RAB38: variants seen among roughly 807,000 people sequenced by gnomAD.
The protein encoded by RAB38 is RAB38, member RAS oncogene family, also known as ras-related protein Rab-38.
In RAB38, 15 loss-of-function variants were observed where a neutral mutation model predicts 18.4. That is an observed-to-expected ratio of 0.82 (90% CI 0.55 to 1.26). The LOEUF is 1.26. Ranked by LOEUF, RAB38 falls within the 50% of genes most tolerant of loss-of-function variation. The pLI is 0.00. For missense variants in RAB38, 294 were observed against 267.4 expected, an observed-to-expected ratio of 1.10 and a Z score of -0.69; for synonymous variants, 101 against 104.4, an observed-to-expected ratio of 0.97 and a Z score of 0.20.
chr11:87,878,170 G>T, the RAB38 span, among the ~76,000 whole-genome samples: 18 of 141,268 alleles, frequency 1.3e-4, no homozygotes, highest in Middle Eastern at 3.5e-3. Context: ...TTAAAAAACT[G>T]CTCTTTTATC....
At chr11:87,960,757 T>C in the RAB38 span, among the ~76,000 whole-genome samples, 1 of 152,184 alleles carries the variant, frequency 6.6e-6, no homozygotes, top group Non-Finnish European at 1.5e-5. Flanking sequence ...CTAAAAGATA[T>C]TCACTAACTC....
the RAB38 span, among the ~76,000 whole-genome samples, chr11:87,858,362 G>T: frequency 6.6e-6 from 1 of 152,102 alleles, no homozygotes; most frequent in South Asian, 2.1e-4. Flanking sequence ...TCTACTCTGT[G>T]GTAGAGTTAA....
At chr11:88,049,463 G>A in the RAB38 span, among the ~76,000 whole-genome samples, 2 of 115,374 alleles carry the variant, frequency 1.7e-5, no homozygotes, top group South Asian at 5.3e-4. Context: ...TAACCCCCCC[G>A]ATTTGACTGT....
At chr11:88,026,466 G>C in the RAB38 span, among the ~76,000 whole-genome samples, 1 of 150,686 alleles carries the variant, frequency 6.6e-6, no homozygotes, top group Non-Finnish European at 1.5e-5. Flanking sequence ...AGGAGGCTGA[G>C]GCAGGAGAAT....
chr11:87,977,698 G>T, the RAB38 span, among the ~76,000 whole-genome samples: 3 of 108,896 alleles, frequency 2.8e-5, no homozygotes, highest in Admixed American at 1.1e-4. Context: ...ATAATATATA[G>T]GGATATATTA....
the RAB38 span, among the ~76,000 whole-genome samples, chr11:87,922,569 A>AT: frequency 2.1e-5 from 3 of 142,316 alleles, no homozygotes; most frequent in African/African-American, 8.5e-5. Context: ...TCACCTGAAA[A>AT]AAATATATAT....
the RAB38 span, among the ~76,000 whole-genome samples, chr11:87,939,377 CAT>C: frequency 8.9e-6 from 1 of 112,154 alleles, no homozygotes; most frequent in Non-Finnish European, 1.8e-5. Context: ...CACACACATA[CAT>C]ACACACACAC....
the RAB38 span, among the ~76,000 whole-genome samples, chr11:87,823,321 G>T: frequency 6.6e-6 from 1 of 151,418 alleles, no homozygotes; most frequent in African/African-American, 2.4e-5. Context: ...ACTGAATATT[G>T]TTAAAATAAT....
At chr11:88,098,432 C>G in the RAB38 span, among the ~76,000 whole-genome samples, 1 of 151,914 alleles carries the variant, frequency 6.6e-6, no homozygotes, top group South Asian at 2.1e-4. Context: ...GCCCAGTACC[C>G]AACATTCTCT....
At chr11:87,816,158 A>C in the RAB38 span, 1 of 152,296 alleles carries the variant, frequency 6.6e-6, no homozygotes, top group Non-Finnish European at 1.5e-5. Context: ...TTTGGTCATT[A>C]GTGTTCTTGA....
At chr11:88,077,058 T>C in the RAB38 span, among the ~76,000 whole-genome samples, 1 of 140,064 alleles carries the variant, frequency 7.1e-6, no homozygotes, top group Admixed American at 6.9e-5. Context: ...AGAAAAAGAA[T>C]ATAAAATATC....
At chr11:87,905,052 T>G in the RAB38 span, among the ~76,000 whole-genome samples, 2 of 151,888 alleles carry the variant, frequency 1.3e-5, no homozygotes, top group East Asian at 3.9e-4. Flanking sequence ...TTTCACAGTT[T>G]ATTGAGAGTC....
the RAB38 span, among the ~76,000 whole-genome samples, chr11:87,938,725 T>C: frequency 6.7e-6 from 1 of 149,460 alleles, no homozygotes; most frequent in African/African-American, 2.5e-5. Flanking sequence ...TTTGTGACCA[T>C]GCGCATTTCC....
chr11:88,171,350 A>G (rs915233683), intron 1 of RAB38, among the ~76,000 whole-genome samples: 1 of 152,248 alleles, frequency 6.6e-6, no homozygotes, highest in African/African-American at 2.4e-5. Context: ...CCCTGAGGAC[A>G]GTGATAATAA....
At chr11:87,871,681 G>A in the RAB38 span, among the ~76,000 whole-genome samples, 11 of 151,422 alleles carry the variant, frequency 7.3e-5, no homozygotes, top group African/African-American at 2.7e-4. Flanking sequence ...CTCTCTCCTA[G>A]CTACTACATT....
chr11:88,027,952 T>C, the RAB38 span, among the ~76,000 whole-genome samples: 6 of 152,146 alleles, frequency 3.9e-5, no homozygotes, highest in African/African-American at 1.2e-4. Flanking sequence ...CCATGACCCC[T>C]GAGCAGCCTA....
chr11:88,015,205 T>C, the RAB38 span, among the ~76,000 whole-genome samples: 2 of 152,154 alleles, frequency 1.3e-5, no homozygotes, highest in South Asian at 2.1e-4. Context: ...TCTAACCAGC[T>C]ATACAGTGAG....
rs759657652 is a variant in RAB38 at position 88,175,370 on chromosome 11, G to T, written c.15C>A (p.His5Gln). Residue 5 changes from histidine to glutamine, a missense_variant, in exon 1 of 3, where the codon CAC becomes CAA. Physicochemically the swap from His to Gln is conservative, Grantham distance 24 (BLOSUM62 0). Coordinates refer to ENST00000243662, the MANE Select transcript of RAB38 (RefSeq NM_022337.3). Reference sequence around the variant, plus strand: ...CCAGCAACTTGTACAGGTGCTCCTTGTGCGGGGCCTGCATCCTGGCGGCCG... The same window carrying T: ...CCAGCAACTTGTACAGGTGCTCCTTTTGCGGGGCCTGCATCCTGGCGGCCG... MQAP[H>Q]KEHLYKLLVI... 1 of 1,614,148 alleles carries T rather than the reference G, an allele frequency of 6.2e-7. No individual in the cohort carries two copies. Among genetic ancestry groups the T allele is most frequent in the Admixed American group, 1.7e-5 (1 of 60,030 alleles).
the RAB38 span, among the ~76,000 whole-genome samples, chr11:87,919,112 A>G: frequency 2.0e-5 from 3 of 152,102 alleles, no homozygotes; most frequent in Non-Finnish European, 4.4e-5. Context: ...TATTAAATAG[A>G]CTGCCTTTCC....
Sources: allele counts gnomAD v4.1 joint callset (sites outside exome capture counted in the v4.1 genomes callset), GRCh38; gene constraint gnomAD v4.1.1; transcripts MANE v1.5; gene names NCBI Gene and HGNC (gene_info 2026-07-23, HGNC 2026-07-21).